CHST3: variants seen among roughly 807,000 people sequenced by gnomAD.
CHST3 encodes carbohydrate sulfotransferase 3.
CHST3 carries 20 observed loss-of-function variants against 35.4 expected under a neutral mutation model. The observed-to-expected ratio is 0.57, with a 90% CI of 0.40 to 0.82. CHST3 has a LOEUF of 0.82. Among genes scored for constraint, CHST3 ranks in the 40% least tolerant of loss-of-function variants. The pLI is 0.00. For synonymous variants in CHST3, 334 were observed against 295.9 expected, an observed-to-expected ratio of 1.13 and a Z score of -1.32; for missense variants, 693 against 670.1, an observed-to-expected ratio of 1.03 and a Z score of -0.38.
At chr10:71,973,416 G>T (rs1318836503) in intron 1 of CHST3, among the ~76,000 whole-genome samples, 2 of 152,198 alleles carry the variant, frequency 1.3e-5, no homozygotes, top group Non-Finnish European at 2.9e-5. Context: ...CAGCCCCAGG[G>T]TCCAGTTCCC....
chr10:71,980,644 C>T (rs1259158063), intron 1 of CHST3, among the ~76,000 whole-genome samples: 1 of 152,144 alleles, frequency 6.6e-6, no homozygotes, highest in Non-Finnish European at 1.5e-5. Context: ...CCTGAGGATT[C>T]GCATTTCCAC....
intron 1 of CHST3, among the ~76,000 whole-genome samples, chr10:72,000,731 C>T (rs891228487): frequency 3.9e-5 from 6 of 152,062 alleles, no homozygotes; most frequent in African/African-American, 1.4e-4. Context: ...TCTGTGCCTC[C>T]GAGAAGTTTC....
At chr10:71,980,253 G>T (rs1307135916) in intron 1 of CHST3, among the ~76,000 whole-genome samples, 3 of 152,188 alleles carry the variant, frequency 2.0e-5, no homozygotes, top group Non-Finnish European at 4.4e-5. Flanking sequence ...AGTGGCTCAT[G>T]TCTGTAATTC....
intron 1 of CHST3, among the ~76,000 whole-genome samples, chr10:71,969,856 A>G (rs1839672344): frequency 6.6e-6 from 1 of 152,230 alleles, no homozygotes. Flanking sequence ...GAGTGGCGGC[A>G]CAGAGAGGGT....
intron 2 of CHST3, among the ~76,000 whole-genome samples, chr10:72,006,841 C>A (rs1273851908): frequency 6.6e-6 from 1 of 152,200 alleles, no homozygotes; most frequent in Non-Finnish European, 1.5e-5. Flanking sequence ...TGAGAGCTTT[C>A]TCTCCACTGG....
intron 1 of CHST3, among the ~76,000 whole-genome samples, chr10:71,970,185 C>T (rs749442548): frequency 6.6e-6 from 1 of 152,098 alleles, no homozygotes; most frequent in African/African-American, 2.4e-5. Context: ...GCAGGGTGGG[C>T]CCCGGGAGCC....
At chr10:72,005,022 G>C (rs1309468734) in intron 1 of CHST3, among the ~76,000 whole-genome samples, 1 of 152,158 alleles carries the variant, frequency 6.6e-6, no homozygotes, top group Non-Finnish European at 1.5e-5. Flanking sequence ...TGACTAAGGG[G>C]GCTGAGGTGG....
intron 1 of CHST3, among the ~76,000 whole-genome samples, chr10:71,986,138 C>T (rs1839845316): frequency 6.6e-6 from 1 of 152,226 alleles, no homozygotes; most frequent in Non-Finnish European, 1.5e-5. Context: ...AGAGATTCAG[C>T]AGGCCGCTGC....
chr10:72,007,353 G>A lies in CHST3; in HGVS notation c.322G>A (p.Glu108Lys), dbSNP rs772881284. 2.5e-6 allele frequency: 4 copies of A among 1,607,944 alleles called. No homozygotes were observed. Among genetic ancestry groups the A allele is most frequent in the Non-Finnish European group, 2.5e-6 (3 of 1,177,370 alleles). ...SLQLGVEPAM[E>K]AAGEEEEEQR... ...GCAGCTGGGCGTGGAGCCAGCCATG[G>A]AGGCCGCAGGGGAGGAAGAGGAAGA... The change falls in exon 3 of 3, where the codon GAG (glutamate) becomes AAG (lysine). Residue 108 changes from glutamate (E) to lysine (K), a missense_variant. Glu to Lys is a moderately conservative substitution (Grantham distance 56). Coordinates refer to ENST00000373115, the MANE Select transcript of CHST3 (RefSeq NM_004273.5).
intron 1 of CHST3, among the ~76,000 whole-genome samples, chr10:71,997,105 G>C (rs1300508581): frequency 6.6e-6 from 1 of 152,060 alleles, no homozygotes; most frequent in Non-Finnish European, 1.5e-5. Context: ...GTACAGTTCA[G>C]TGGCACTAAG....
chr10:71,973,332 C>T (rs1347774323), intron 1 of CHST3, among the ~76,000 whole-genome samples: 1 of 152,180 alleles, frequency 6.6e-6, no homozygotes, highest in Non-Finnish European at 1.5e-5. Context: ...CCCTGGATGC[C>T]CGTTTTTGGG....
At chr10:71,998,806 G>A (rs1169335843) in intron 1 of CHST3, among the ~76,000 whole-genome samples, 1 of 152,200 alleles carries the variant, frequency 6.6e-6, no homozygotes, top group Non-Finnish European at 1.5e-5. Context: ...ATCAAAGATC[G>A]GTTCTTTCTT....
chr10:71,981,553 C>T (rs1006583394), intron 1 of CHST3, among the ~76,000 whole-genome samples: 6 of 152,238 alleles, frequency 3.9e-5, no homozygotes, highest in Non-Finnish European at 8.8e-5. Context: ...CCAGCCCCCC[C>T]AGGCAGCCAT....
In CHST3 at chr10:72,007,915, G is replaced by A. The variant is rs2131775763; in HGVS notation, c.884G>A (p.Arg295His). 6.4e-7 allele frequency: 1 copy of A among 1,562,482 alleles called. No homozygotes were observed. ...GCCGAGGACCCCCGCCTGGACCTGC[G>A]CGTCATCCAGCTGGTGCGCGACCCC... is the stretch of plus-strand genomic sequence containing the variant. ...PLAEDPRLDL[R>H]VIQLVRDPRA... Residue 295 changes from arginine (R) to histidine (H), a missense_variant, in exon 3 of 3, where the codon CGC becomes CAC. Physicochemically the swap from Arg to His is conservative, Grantham distance 29. Coordinates refer to ENST00000373115, the MANE Select transcript of CHST3 (RefSeq NM_004273.5).
intron 1 of CHST3, among the ~76,000 whole-genome samples, chr10:71,997,612 T>C (rs1421260381): frequency 6.6e-6 from 1 of 152,126 alleles, no homozygotes; most frequent in Admixed American, 6.6e-5. Context: ...AGGTGTATGG[T>C]TACCAAAAAT....
chr10:72,005,849 A>C lies in CHST3; in HGVS notation c.7A>C (p.Lys3Gln), dbSNP rs199515173. The C allele has an allele frequency of 3.1e-6, 5 of 1,614,180 alleles. No homozygotes were observed. In the East Asian group the frequency reaches 1.1e-4, roughly 36 times the overall value. MEKGLTLPQDCRD... is the reference protein window; with the variant it reads MEQGLTLPQDCRD... Reference sequence around the variant, plus strand: ...CACGGCCCCACCTTTCCCCATGGAGAAAGGACTCACTTTGCCCCAGGACTG... The same window carrying C: ...CACGGCCCCACCTTTCCCCATGGAGCAAGGACTCACTTTGCCCCAGGACTG... The change falls in exon 2 of 3, where the codon AAA becomes CAA. Residue 3 changes from lysine to glutamine, a missense_variant. By Grantham distance (53) the Lys-to-Gln change is moderately conservative (BLOSUM62 1). Transcript: ENST00000373115.
chr10:71,984,212 G>A (rs947095674), intron 1 of CHST3, among the ~76,000 whole-genome samples: 1 of 152,128 alleles, frequency 6.6e-6, no homozygotes, highest in Non-Finnish European at 1.5e-5. Flanking sequence ...TAGTAGAGAC[G>A]GGGTTTCATC....
At position 72,008,219 on chromosome 10, in the gene CHST3, G is replaced by A; in HGVS notation, c.1188G>A (p.Gln396=). Residue 396 remains glutamine (Q), a synonymous_variant, in exon 3 of 3, where the codon CAG becomes CAA. Transcript: ENST00000373115. ...YRFAGIPLTP[Q]VEDWIQKNTQ... ...TCGCCGGCATCCCCCTGACCCCGCAGGTGGAAGACTGGATCCAAAAGAACA... is the reference window on the plus strand; with the variant it reads ...TCGCCGGCATCCCCCTGACCCCGCAAGTGGAAGACTGGATCCAAAAGAACA... 6.4e-7 allele frequency: 1 copy of A among 1,556,752 alleles called. No individual in the cohort carries two copies. Among genetic ancestry groups the A allele is most frequent in the Non-Finnish European group, 8.7e-7 (1 of 1,150,452 alleles).
rs1397209842 is a variant in CHST3 at position 72,010,664 on chromosome 10, T to C, written c.*2193T>C. Reference sequence around the variant, plus strand: ...CTTGGTTTTAGAGTCCAAGAGTAAGTTGTGCAGAGACATGGTTCTAATTTG... The same window carrying C: ...CTTGGTTTTAGAGTCCAAGAGTAAGCTGTGCAGAGACATGGTTCTAATTTG... On this transcript the variant is annotated 3_prime_UTR_variant, in exon 3 of 3. Coordinates refer to ENST00000373115, the MANE Select transcript of CHST3 (RefSeq NM_004273.5). The C allele has an allele frequency of 6.6e-6, 1 of 152,202 alleles. No individual in the cohort carries two copies. Among genetic ancestry groups the C allele is most frequent in the Non-Finnish European group, 1.5e-5 (1 of 68,036 alleles). 9.4% of individuals were successfully genotyped at this position (152,202 alleles called of 1,614,324 possible).
Sources: gnomAD v4.1 joint callset for allele counts (sites outside exome capture counted in the v4.1 genomes callset) on GRCh38, gnomAD v4.1.1 for gene constraint, MANE v1.5 for transcripts, NCBI Gene and HGNC (gene_info 2026-07-23, HGNC 2026-07-21) for gene names.